SLC4A10: variants seen among roughly 807,000 people sequenced by gnomAD.
The protein encoded by SLC4A10 is solute carrier family 4 member 10.
A neutral mutation model predicts 137.7 loss-of-function variants in SLC4A10; 42 were observed. The observed-to-expected ratio is 0.30, with a 90% CI of 0.24 to 0.39. The LOEUF (loss-of-function observed/expected upper bound fraction) is 0.39, where lower values mean the gene tolerates loss of function less well. SLC4A10 is among the 10% of genes least tolerant of loss of function. SLC4A10 has a pLI of 1.00. For missense variants in SLC4A10, 925 were observed against 1,355.0 expected (o/e 0.68, Z 4.98); for synonymous variants, 474 against 464.1 (o/e 1.02, Z -0.27).
In SLC4A10 at chr2:161,879,232, C is replaced by G; in HGVS notation, c.1050C>G (p.Val350=). 1 of 1,613,318 alleles carries G rather than the reference C, an allele frequency of 6.2e-7. No homozygotes were observed. ...EFLDRTVVAF[V]RLSPAVLLQG... is the part of the protein sequence containing the mutation. ...TGGATCGAACAGTAGTTGCGTTTGT[C>G]AGGTTGTCTCCAGCTGTATTGCTTC... The change falls in exon 9 of 27, where the codon GTC becomes GTG. Residue 350 remains valine (V), a synonymous_variant. Transcript: ENST00000446997.
chr2:161,919,325 G>A (rs77176486), intron 15 of SLC4A10, among the ~76,000 whole-genome samples: 4,776 of 152,258 alleles, frequency 0.031, 103 homozygotes, highest in African/African-American at 0.059. Flanking sequence ...CTGGTCCCCA[G>A]TGAAACCTCA....
intron 5 of SLC4A10, 58 bp downstream of exon 5, chr2:161,855,188 T>C: frequency 1.3e-6 from 2 of 1,492,576 alleles, no homozygotes; most frequent in Non-Finnish European, 9.0e-7. Context: ...TGTTACTCTC[T>C]TTTCCTTATA....
At chr2:161,746,147 C>T (rs2048361105) in intron 1 of SLC4A10, among the ~76,000 whole-genome samples, 1 of 152,004 alleles carries the variant, frequency 6.6e-6, no homozygotes, top group Non-Finnish European at 1.5e-5. Flanking sequence ...TGAATCTTCC[C>T]AGGACTGGCT....
chr2:161,848,224 G>A lies in SLC4A10; in HGVS notation c.417-6746G>A, dbSNP rs201510828. ...ATATCTTTTGCCCACTTTTTAAATA[G>A]GGTTGTTTGTTTTTTGCTTGTTGAT... is the stretch of plus-strand genomic sequence containing the variant. On this transcript the variant is annotated intron_variant, in intron 4 of 26. Coordinates refer to ENST00000446997, the MANE Select transcript of SLC4A10 (RefSeq NM_001178015.2). 7.2e-5 allele frequency among the ~76,000 whole-genome samples: 11 copies of A among 152,144 alleles called. No individual in the cohort carries two copies. The East Asian group carries it at 1.7e-3, about 24-fold the overall frequency.
At chr2:161,869,170 A>C (rs1393478501) in intron 6 of SLC4A10, among the ~76,000 whole-genome samples, 1 of 151,658 alleles carries the variant, frequency 6.6e-6, no homozygotes, top group Non-Finnish European at 1.5e-5. Flanking sequence ...CTATTAGGAA[A>C]ATTTTTACTT....
chr2:161,898,887 T>G lies in SLC4A10; in HGVS notation c.1342-2024T>G, dbSNP rs140902985. 3.2e-4 allele frequency among the ~76,000 whole-genome samples: 49 copies of G among 152,244 alleles called. 1 individual carries two copies. Among genetic ancestry groups the G allele is most frequent in the Admixed American group, 2.6e-4 (4 of 15,276 alleles). On this transcript the variant is annotated intron_variant, in intron 11 of 26. Transcript: ENST00000446997. ...CAAGTGAGCCCTTTGTGTTGCAGGTTCATCATACTACACTTTCCTAGTCCA... is the reference window on the plus strand; with the variant it reads ...CAAGTGAGCCCTTTGTGTTGCAGGTGCATCATACTACACTTTCCTAGTCCA...
intron 1 of SLC4A10, among the ~76,000 whole-genome samples, chr2:161,752,567 T>C (rs1246985572): frequency 6.6e-6 from 1 of 152,096 alleles, no homozygotes; most frequent in African/African-American, 2.4e-5. Context: ...CTCATTGCAT[T>C]ATTCATAATA....
At chr2:161,799,365 G>A (rs569771832) in intron 2 of SLC4A10, among the ~76,000 whole-genome samples, 35 of 151,696 alleles carry the variant, frequency 2.3e-4, no homozygotes, top group African/African-American at 7.2e-4. Context: ...ATAGCTATCC[G>A]GGTGAAAAAT....
intron 1 of SLC4A10, among the ~76,000 whole-genome samples, chr2:161,732,716 A>C (rs920675582): frequency 9.2e-5 from 14 of 152,198 alleles, no homozygotes; most frequent in African/African-American, 3.4e-4. Context: ...GCTGAAGAAG[A>C]CAGGAAAATG....
intron 4 of SLC4A10, among the ~76,000 whole-genome samples, chr2:161,853,641 A>T (rs1387518511): frequency 6.6e-6 from 1 of 152,224 alleles, no homozygotes; most frequent in Non-Finnish European, 1.5e-5. Context: ...AACTAATATG[A>T]AAACTTTCTG....
At chr2:161,751,076 C>T (rs1403640870) in intron 1 of SLC4A10, among the ~76,000 whole-genome samples, 2 of 151,646 alleles carry the variant, frequency 1.3e-5, no homozygotes, top group African/African-American at 4.8e-5. Context: ...TATCTTTTTC[C>T]ATCCTTTCAA....
At chr2:161,872,438 A>T (rs1227995639) in intron 7 of SLC4A10, 54 bp downstream of exon 7, 7 of 1,384,476 alleles carry the variant, frequency 5.1e-6, no homozygotes, top group Non-Finnish European at 7.2e-6. Context: ...ACTAGAAATT[A>T]CTACCCATTT....
chr2:161,954,781 A>G (rs961161931), intron 19 of SLC4A10, among the ~76,000 whole-genome samples: 10 of 152,290 alleles, frequency 6.6e-5, no homozygotes, highest in African/African-American at 2.4e-4. Flanking sequence ...TAAATTTAGA[A>G]AAGAAATTAT....
At position 161,969,210 on chromosome 2, in the gene SLC4A10, T is replaced by C. The variant is rs544532252; in HGVS notation, c.3159+4037T>C. 1.2e-4 allele frequency among the ~76,000 whole-genome samples: 19 copies of C among 152,316 alleles called. 1 individual carries two copies. In the South Asian group the frequency reaches 3.5e-3, roughly 28 times the overall value. On this transcript the variant is annotated intron_variant, in intron 23 of 26. Coordinates refer to ENST00000446997, the MANE Select transcript of SLC4A10 (RefSeq NM_001178015.2). ...TATCAGTAGCCCATTTCTGGTCTTA[T>C]GGCACTGAGAAAACATTCATTTGAC...
rs2057401357 is a variant in SLC4A10 at position 161,819,248 on chromosome 2, T to A, written c.277+14653T>A. Among the ~76,000 whole-genome samples the A allele has an allele frequency of 2.0e-5, 3 of 152,114 alleles. No individual in the cohort carries two copies. The South Asian group carries it at 6.2e-4, about 32-fold the overall frequency. On this transcript the variant is annotated intron_variant, in intron 3 of 26. Coordinates refer to ENST00000446997, the MANE Select transcript of SLC4A10 (RefSeq NM_001178015.2). ...CAATGACTGGTTCAAGCCTACCATA[T>A]GTCATGGTTGGGCTGTGATTCCTAG...
At position 161,905,638 on chromosome 2, in the gene SLC4A10, C is replaced by G. The variant is rs1684193596; in HGVS notation, c.1752-4C>G. The stretch of plus-strand genomic sequence containing the variant: ...TCACTGTTCTTTCCTTTTCCTCCTC[C>G]CAGAGAATATGGGCTGTCATACCTA... On this transcript the variant is annotated splice_region_variant and splice_polypyrimidine_tract_variant and intron_variant, in intron 14 of 26. Coordinates refer to ENST00000446997, the MANE Select transcript of SLC4A10 (RefSeq NM_001178015.2). 1 of 1,584,938 alleles carries G rather than the reference C, an allele frequency of 6.3e-7. No individual in the cohort carries two copies. The highest frequency in any genetic ancestry group is 8.6e-7 in the Non-Finnish European group (1 of 1,166,510).
At chr2:161,857,099 A>C (rs2060149648) in intron 5 of SLC4A10, among the ~76,000 whole-genome samples, 1 of 152,170 alleles carries the variant, frequency 6.6e-6, no homozygotes, top group South Asian at 2.1e-4. Context: ...CAGTAATTTG[A>C]CTAAAACACT....
rs763974777 is a variant in SLC4A10, at chr2:161,862,929, T to C, written c.633T>C (p.His211=). ...SSGQLNEDVR[H]RVHEALMKQH... ...GTCAGCTGAATGAAGATGTACGCCA[T>C]AGGGTCCATGAGGCATTGATGAAAC... is the stretch of plus-strand genomic sequence containing the variant. The change falls in exon 6 of 27, where the codon CAT becomes CAC. Residue 211 remains histidine, a synonymous_variant. Coordinates refer to ENST00000446997, the MANE Select transcript of SLC4A10 (RefSeq NM_001178015.2). 4 of 1,613,052 alleles carry C rather than the reference T, an allele frequency of 2.5e-6. No individual in the cohort carries two copies. The highest frequency in any genetic ancestry group is 1.1e-5 in the South Asian group (1 of 90,862).
chr2:161,818,255 G>C (rs1033570907), intron 3 of SLC4A10, among the ~76,000 whole-genome samples: 1 of 152,128 alleles, frequency 6.6e-6, no homozygotes. Context: ...GTGAATGGGA[G>C]TTCATTCATG....
Sources: allele counts gnomAD v4.1 joint callset (sites outside exome capture counted in the v4.1 genomes callset), GRCh38; gene constraint gnomAD v4.1.1; transcripts MANE v1.5; gene names NCBI Gene and HGNC (gene_info 2026-07-23, HGNC 2026-07-21).